Variants in SPECC1 observed in about 807,000 individuals in gnomAD.
SPECC1 encodes cytospin-B.
In SPECC1, 62 loss-of-function variants were observed where a neutral mutation model predicts 104.1. The ratio of observed to expected loss-of-function variants is 0.60; its 90% confidence interval spans 0.49 to 0.74. SPECC1 has a LOEUF of 0.74. SPECC1 is among the 30% of genes least tolerant of loss of function. The probability of loss-of-function intolerance (pLI) is 0.00; values close to 1 mark genes in which losing one functional copy is unlikely to be tolerated. For synonymous variants in SPECC1, 513 were observed against 501.6 expected (o/e 1.02, Z -0.30); for missense variants, 1,306 against 1,310.5 (o/e 1.00, Z 0.05).
At chr17:20,120,117 G>A (rs2048957478) in intron 3 of SPECC1, among the ~76,000 whole-genome samples, 1 of 152,236 alleles carries the variant, frequency 6.6e-6, no homozygotes, top group South Asian at 2.1e-4. Context: ...GCCGGGTGGG[G>A]TGGCTTATGC....
chr17:20,171,526 A>G (rs2034089006), intron 3 of SPECC1, among the ~76,000 whole-genome samples: 1 of 151,990 alleles, frequency 6.6e-6, no homozygotes, highest in Non-Finnish European at 1.5e-5. Flanking sequence ...TTTTTCATTT[A>G]CTGTTTTTTT....
At chr17:20,033,083 C>G (rs1479396304) in intron 1 of SPECC1, among the ~76,000 whole-genome samples, 1 of 151,806 alleles carries the variant, frequency 6.6e-6, no homozygotes, top group Non-Finnish European at 1.5e-5. Context: ...CCTGCCTCAG[C>G]CTCCCGAGTA....
At chr17:20,046,223 G>A (rs1021481014) in intron 1 of SPECC1, among the ~76,000 whole-genome samples, 1 of 152,124 alleles carries the variant, frequency 6.6e-6, no homozygotes, top group Admixed American at 6.5e-5. Context: ...TGGGATTGCA[G>A]ATTTGAGCCA....
intron 1 of SPECC1, among the ~76,000 whole-genome samples, chr17:20,045,627 T>C (rs141643733): frequency 1.2e-3 from 178 of 152,310 alleles, no homozygotes; most frequent in African/African-American, 4.1e-3. Flanking sequence ...GCCTTTGAGA[T>C]GGTGTGACCC....
chr17:20,140,199 CAT>C (rs1172030391), intron 3 of SPECC1, among the ~76,000 whole-genome samples: 1 of 152,212 alleles, frequency 6.6e-6, no homozygotes, highest in Admixed American at 6.5e-5. Flanking sequence ...TCACCCAAAA[CAT>C]ATAACTGCAC....
chr17:20,202,759 A>G (rs1245253868), intron 3 of SPECC1, among the ~76,000 whole-genome samples: 2 of 152,204 alleles, frequency 1.3e-5, no homozygotes, highest in Non-Finnish European at 2.9e-5. Context: ...GCCAAAAGTT[A>G]TACACAGAGT....
chr17:20,214,330 C>G (rs1235083178), intron 4 of SPECC1, among the ~76,000 whole-genome samples: 2 of 151,982 alleles, frequency 1.3e-5, no homozygotes, highest in African/African-American at 2.4e-5. Context: ...TTTATGAAGT[C>G]GAATTTAGTT....
intron 4 of SPECC1, among the ~76,000 whole-genome samples, chr17:20,209,130 C>T (rs934224668): frequency 6.6e-6 from 1 of 152,132 alleles, no homozygotes; most frequent in African/African-American, 2.4e-5. Flanking sequence ...TGCTTGCATT[C>T]CTGGGGTAAA....
chr17:20,293,502 C>G lies in SPECC1; in HGVS notation c.2941-3459C>G, dbSNP rs147168943. 2.0e-3 allele frequency among the ~76,000 whole-genome samples: 304 copies of G among 152,304 alleles called. 10 individuals carry two copies. In the East Asian group the frequency reaches 0.047, roughly 24 times the overall value. On this transcript the variant is annotated intron_variant, in intron 12 of 14. Coordinates refer to ENST00000395527, the MANE Select transcript of SPECC1 (RefSeq NM_001243439.2). ...TTGTTGTAGGGTTGCATTTGGCCAT[C>G]TGGGCAGAGGGAGGAAACAGTGGTC...
At chr17:20,277,772 G>A (rs1002417341) in intron 12 of SPECC1, among the ~76,000 whole-genome samples, 3 of 152,134 alleles carry the variant, frequency 2.0e-5, no homozygotes, top group Non-Finnish European at 4.4e-5. Flanking sequence ...CCACCGTTCC[G>A]CTTCGTCTCT....
intron 12 of SPECC1, among the ~76,000 whole-genome samples, chr17:20,268,727 A>C (rs1324625422): frequency 6.6e-6 from 1 of 152,110 alleles, no homozygotes; most frequent in Admixed American, 6.5e-5. Context: ...TTGTCCTACA[A>C]CCTGTGACAA....
At chr17:20,235,010 C>G (rs1407622492) in intron 7 of SPECC1, among the ~76,000 whole-genome samples, 1 of 152,214 alleles carries the variant, frequency 6.6e-6, no homozygotes, top group Non-Finnish European at 1.5e-5. Flanking sequence ...ATATCTCATT[C>G]CCAGTGTCAT....
rs1359996313 is a variant in SPECC1, at chr17:20,009,739, G to A, written c.-22+315G>A. On this transcript the variant is annotated intron_variant, in intron 1 of 14. Coordinates refer to ENST00000395527, the MANE Select transcript of SPECC1 (RefSeq NM_001243439.2). The surrounding 1 kb of genome is among the most constrained non-coding windows in gnomAD (Gnocchi z 5.2). ...GCCCGAGGGTTGTCGCAGGGACCCG[G>A]GACTGAGAGCCAGGTGGCTCCCGAC... The A allele has an allele frequency of 6.6e-6, 1 of 152,202 alleles. No individual in the cohort carries two copies. The highest frequency in any genetic ancestry group is 2.4e-5 in the African/African-American group (1 of 41,444). 9.4% of individuals were successfully genotyped at this position (152,202 alleles called of 1,614,324 possible). A position where few individuals can be genotyped will look rare whatever the true frequency, so the allele number is the denominator to read the frequency against.
At chr17:20,107,144 CAAAAA>C (rs531912350) in intron 2 of SPECC1, among the ~76,000 whole-genome samples, 9 of 68,182 alleles carry the variant, frequency 1.3e-4, no homozygotes, top group African/African-American at 5.0e-4. Context: ...ACTCGTGTCT[CAAAAA>C]AAAAAAAAAA....
chr17:20,263,217 C>G (rs895035294), intron 12 of SPECC1, among the ~76,000 whole-genome samples: 1 of 149,188 alleles, frequency 6.7e-6, no homozygotes, highest in African/African-American at 2.5e-5. Context: ...GCCATAAGAA[C>G]CAATAGCTAT....
chr17:20,313,040 A>G (rs1418331393), intron 14 of SPECC1, among the ~76,000 whole-genome samples: 2 of 152,180 alleles, frequency 1.3e-5, no homozygotes, highest in Non-Finnish European at 2.9e-5. Flanking sequence ...ATTCAATCCC[A>G]AAGTTAATTA....
chr17:20,028,132 A>T (rs1166812077), intron 1 of SPECC1, among the ~76,000 whole-genome samples: 2 of 151,534 alleles, frequency 1.3e-5, no homozygotes, highest in Admixed American at 6.6e-5. Context: ...TTTTTTTTTC[A>T]TGTGACTATC....
intron 1 of SPECC1, among the ~76,000 whole-genome samples, chr17:20,048,610 TG>T (rs1425978537): frequency 6.6e-6 from 1 of 152,096 alleles, no homozygotes; most frequent in Non-Finnish European, 1.5e-5. Flanking sequence ...TTTTTTCTTT[TG>T]TAAGAATTCC....
chr17:20,112,841 A>G, intron 3 of SPECC1: 2 of 1,588,360 alleles, frequency 1.3e-6, no homozygotes, highest in Non-Finnish European at 1.7e-6. Context: ...CTGTAACCTC[A>G]GAGGAGCAAC....
Sources: gnomAD v4.1 joint callset for allele counts (sites outside exome capture counted in the v4.1 genomes callset) on GRCh38, gnomAD v4.1.1 for gene constraint, Gnocchi (gnomAD v3.1) non-coding constraint, MANE v1.5 for transcripts, NCBI Gene and HGNC (gene_info 2026-07-23, HGNC 2026-07-21) for gene names.